The following HPSE2 variants were observed in gnomAD, a reference collection of about 807,000 sequenced individuals.
The protein encoded by HPSE2 is inactive heparanase-2.
HPSE2 carries 38 observed loss-of-function variants against 60.5 expected under a neutral mutation model. The observed-to-expected ratio is 0.63, with a 90% CI of 0.48 to 0.82. The LOEUF is 0.82. Among genes scored for constraint, HPSE2 ranks in the 40% least tolerant of loss-of-function variants. The pLI is 0.00. For missense variants in HPSE2, 713 were observed against 740.4 expected (o/e 0.96, Z 0.43); for synonymous variants, 295 against 293.2 (o/e 1.01, Z -0.06).
intron 3 of HPSE2, among the ~76,000 whole-genome samples, chr10:98,832,892 G>A (rs1951714865): frequency 1.3e-5 from 2 of 152,178 alleles, no homozygotes; most frequent in South Asian, 4.1e-4. Context: ...CTGGGAATGT[G>A]ATTCCTGAAA....
Position 99,099,204 on chromosome 10 carries a change from C to A in HPSE2, c.610+45034G>T, listed in dbSNP as rs544698653. On this transcript the variant is annotated intron_variant, in intron 3 of 11. Coordinates refer to ENST00000370552, the MANE Select transcript of HPSE2 (RefSeq NM_021828.5). ...TGAAGCAGCGCGAGGCATCGCCTCACCCAGCAAGTGCAAGGGGTCAGGGAA... is the reference window on the plus strand; with the variant it reads ...TGAAGCAGCGCGAGGCATCGCCTCAACCAGCAAGTGCAAGGGGTCAGGGAA... 2.0e-5 allele frequency among the ~76,000 whole-genome samples: 3 copies of A among 152,312 alleles called. No individual in the cohort carries two copies. In the East Asian group the frequency reaches 5.8e-4, roughly 29 times the overall value.
intron 3 of HPSE2, among the ~76,000 whole-genome samples, chr10:98,974,946 T>C (rs1250339719): frequency 1.3e-5 from 2 of 152,222 alleles, no homozygotes; most frequent in East Asian, 1.9e-4. Context: ...TTTATTATTT[T>C]GATCTTCAAC....
At chr10:98,874,717 T>G (rs1001840448) in intron 3 of HPSE2, among the ~76,000 whole-genome samples, 4 of 152,104 alleles carry the variant, frequency 2.6e-5, no homozygotes, top group African/African-American at 9.7e-5. Flanking sequence ...TTCCAACTTT[T>G]GCCCATTCAG....
intron 3 of HPSE2, among the ~76,000 whole-genome samples, chr10:98,905,953 TCTC>T (rs1953804383): frequency 6.6e-6 from 1 of 152,154 alleles, no homozygotes; most frequent in Non-Finnish European, 1.5e-5. Flanking sequence ...AAGAACTTAG[TCTC>T]CTGGCTGCTG....
Position 98,688,465 on chromosome 10 carries a change from C to CTTTTTTTTTTTTT in HPSE2, c.1004+5434_1004+5435insAAAAAAAAAAAAA, listed in dbSNP as rs562095149. 3.2e-3 allele frequency among the ~76,000 whole-genome samples: 337 copies of CTTTTTTTTTTTTT among 103,742 alleles called. 18 individuals carry two copies. The highest frequency in any genetic ancestry group is 4.5e-3 in the Non-Finnish European group (242 of 53,994). The allele number at this position is 103,742 out of a possible 152,430, so 68.1% of individuals were successfully genotyped here. A position where few individuals can be genotyped will look rare whatever the true frequency, so the allele number is the denominator to read the frequency against. On this transcript the variant is annotated intron_variant, in intron 6 of 11. Coordinates refer to ENST00000370552, the MANE Select transcript of HPSE2 (RefSeq NM_021828.5). ...GTCTGAAGAATTTCCTTTAGCATTTCTTTTTTTTTTTCTTTTTTTTTTTTT... is the reference window on the plus strand; with the variant it reads ...GTCTGAAGAATTTCCTTTAGCATTTCTTTTTTTTTTTTTTTTTTTTTTTTCTTTTTTTTTTTTT...
chr10:98,692,826 A>T (rs1434957452), intron 6 of HPSE2, among the ~76,000 whole-genome samples: 7 of 152,228 alleles, frequency 4.6e-5, no homozygotes, highest in Admixed American at 4.6e-4. Context: ...AAATATTTGG[A>T]ACTTGTTTTT....
intron 9 of HPSE2, among the ~76,000 whole-genome samples, chr10:98,538,278 C>T (rs551565253): frequency 1.1e-4 from 17 of 152,242 alleles, no homozygotes; most frequent in African/African-American, 3.4e-4. Flanking sequence ...GGGAGAACAC[C>T]CGCTAAGCCC....
At chr10:98,942,110 C>A (rs1190268985) in intron 3 of HPSE2, among the ~76,000 whole-genome samples, 2 of 141,044 alleles carry the variant, frequency 1.4e-5, no homozygotes, top group African/African-American at 2.9e-5. Context: ...AACATTAGAC[C>A]TAAAACCATA....
At chr10:99,264,033 A>G in the HPSE2 span, among the ~76,000 whole-genome samples, 1 of 151,314 alleles carries the variant, frequency 6.6e-6, no homozygotes, top group Non-Finnish European at 1.5e-5. Flanking sequence ...CAGCTATCTC[A>G]ACCACGCTAT....
chr10:99,162,361 T>C (rs1846879053), intron 2 of HPSE2, among the ~76,000 whole-genome samples: 1 of 152,114 alleles, frequency 6.6e-6, no homozygotes, highest in Non-Finnish European at 1.5e-5. Context: ...GCAGATTATA[T>C]GAGATTGCAT....
chr10:98,461,752 T>G, intron 11 of HPSE2: 1 of 1,568,722 alleles, frequency 6.4e-7, no homozygotes, highest in South Asian at 1.2e-5. Context: ...GTGCAAACCT[T>G]TCTTCTGAAG....
At chr10:98,493,671 T>G (rs1213194924) in intron 9 of HPSE2, among the ~76,000 whole-genome samples, 1 of 152,324 alleles carries the variant, frequency 6.6e-6, no homozygotes, top group East Asian at 1.9e-4. Flanking sequence ...AATCTGTTTG[T>G]GTTTTTGGGT....
chr10:98,850,326 G>A (rs1156347556), intron 3 of HPSE2, among the ~76,000 whole-genome samples: 1 of 152,066 alleles, frequency 6.6e-6, no homozygotes, highest in Admixed American at 6.6e-5. Context: ...GCCTAGAAGT[G>A]ATAAAGAAAG....
chr10:99,077,524 T>C (rs1182539324), intron 3 of HPSE2, among the ~76,000 whole-genome samples: 2 of 152,118 alleles, frequency 1.3e-5, no homozygotes, highest in African/African-American at 4.8e-5. Flanking sequence ...AATTTTTTAG[T>C]TCAATTATTC....
chr10:98,748,612 T>C (rs1180313391), intron 3 of HPSE2, among the ~76,000 whole-genome samples: 1 of 152,114 alleles, frequency 6.6e-6, no homozygotes. Flanking sequence ...GATGTAAAAG[T>C]ATACAGGCTT....
At chr10:99,194,959 T>A (rs983241182) in intron 2 of HPSE2, among the ~76,000 whole-genome samples, 1 of 151,992 alleles carries the variant, frequency 6.6e-6, no homozygotes, top group South Asian at 2.1e-4. Context: ...CCAAAATCCC[T>A]TATGAACATT....
At chr10:99,296,688 C>T in the HPSE2 span, among the ~76,000 whole-genome samples, 1 of 152,232 alleles carries the variant, frequency 6.6e-6, no homozygotes, top group African/African-American at 2.4e-5. Context: ...CTTGCCTGCC[C>T]TGCATCAGCT....
chr10:98,635,651 G>A (rs972902454), intron 7 of HPSE2, among the ~76,000 whole-genome samples: 1 of 152,044 alleles, frequency 6.6e-6, no homozygotes, highest in Non-Finnish European at 1.5e-5. Context: ...GTGTGGTAGC[G>A]TGGGCTTGTA....
intron 3 of HPSE2, among the ~76,000 whole-genome samples, chr10:99,092,486 T>C (rs1039198181): frequency 1.3e-5 from 2 of 152,158 alleles, no homozygotes; most frequent in African/African-American, 4.8e-5. Flanking sequence ...CAATCTCCAA[T>C]AGAAATTTCA....
Sources: allele counts gnomAD v4.1 joint callset (sites outside exome capture counted in the v4.1 genomes callset), GRCh38; gene constraint gnomAD v4.1.1; transcripts MANE v1.5; gene names NCBI Gene and HGNC (gene_info 2026-07-23, HGNC 2026-07-21).